The following MLIP variants were observed in gnomAD, a reference collection of about 807,000 sequenced individuals.
MLIP encodes the protein muscular LMNA interacting protein, also known as muscular LMNA-interacting protein.
In MLIP, 79 loss-of-function variants were observed where a neutral mutation model predicts 84.8. That is an observed-to-expected ratio of 0.93 (90% CI 0.78 to 1.12). The LOEUF (loss-of-function observed/expected upper bound fraction) is 1.12. Among genes scored for constraint, MLIP ranks in the 50% most tolerant of loss-of-function variants. The probability of loss-of-function intolerance (pLI) is 0.00; values close to 1 mark genes in which losing one functional copy is unlikely to be tolerated. For missense variants in MLIP, 1,257 were observed against 1,160.6 expected, an observed-to-expected ratio of 1.08 and a Z score of -1.21; for synonymous variants, 504 against 463.0, an observed-to-expected ratio of 1.09 and a Z score of -1.14.
intron 1 of MLIP, among the ~76,000 whole-genome samples, chr6:54,101,384 G>A (rs952851525): frequency 6.7e-6 from 1 of 150,162 alleles, no homozygotes; most frequent in Admixed American, 6.7e-5. Context: ...CCTACTATGT[G>A]CCAGGCCATA....
rs1242453688 is a variant in MLIP, at chr6:54,111,518, C to A, written c.39C>A (p.Asn13Lys). ...SEQGLLSDCG[N>K]NYFQMTSCIL... ...AGGGGCTTCTGAGTGACTGCGGGAA[C>A]AATTACTTCCAAATGACCTCGTGCA... is the stretch of plus-strand genomic sequence containing the variant. Residue 13 changes from asparagine (N) to lysine (K), a missense_variant, in exon 1 of 14, where the codon AAC (asparagine) becomes AAA (lysine). By Grantham distance (94) the Asn-to-Lys change is moderately conservative. Transcript: ENST00000502396. 3 of 1,535,900 alleles carry A rather than the reference C, an allele frequency of 2.0e-6. No homozygotes were observed. The highest frequency in any genetic ancestry group is 2.6e-6 in the Non-Finnish European group (3 of 1,146,870).
intron 1 of MLIP, among the ~76,000 whole-genome samples, chr6:54,096,446 G>A (rs1768217981): frequency 1.3e-5 from 2 of 152,022 alleles, no homozygotes; most frequent in African/African-American, 4.8e-5. Flanking sequence ...TGGTTGGCAG[G>A]TAGCATCCAA....
intron 2 of MLIP, among the ~76,000 whole-genome samples, chr6:54,121,945 A>C (rs1453502327): frequency 6.6e-6 from 1 of 152,220 alleles, no homozygotes; most frequent in Non-Finnish European, 1.5e-5. Flanking sequence ...CAAAACAGTG[A>C]GATATTATTA....
upstream of MLIP, among the ~76,000 whole-genome samples, chr6:54,108,369 G>C (rs151078079): frequency 6.6e-6 from 1 of 152,254 alleles, no homozygotes; most frequent in African/African-American, 2.4e-5. Flanking sequence ...TCTCCACTCA[G>C]GTAATTTATA....
At chr6:54,195,746 C>G (rs1288536589) in intron 10 of MLIP, among the ~76,000 whole-genome samples, 1 of 152,014 alleles carries the variant, frequency 6.6e-6, no homozygotes, top group African/African-American at 2.4e-5. Flanking sequence ...TATTCACTCC[C>G]TTGGATTTTT....
intron 1 of MLIP, among the ~76,000 whole-genome samples, chr6:54,091,153 G>GA (rs541206798): frequency 1.6e-4 from 24 of 152,114 alleles, no homozygotes; most frequent in African/African-American, 3.1e-4. Context: ...ACCCTGGGGG[G>GA]AAAAAATCAC....
chr6:54,209,896 T>C (rs1473015388), intron 11 of MLIP, among the ~76,000 whole-genome samples: 1 of 150,114 alleles, frequency 6.7e-6, no homozygotes, highest in Non-Finnish European at 1.5e-5. Context: ...TGTCCTTTTT[T>C]CTTTCTTTTT....
At chr6:54,235,541 G>T (rs1781305985) in intron 12 of MLIP, among the ~76,000 whole-genome samples, 1 of 152,070 alleles carries the variant, frequency 6.6e-6, no homozygotes, top group Non-Finnish European at 1.5e-5. Flanking sequence ...TTTATCTAGG[G>T]TGTGACATAA....
intron 5 of MLIP, among the ~76,000 whole-genome samples, chr6:54,150,012 T>C (rs1033955952): frequency 1.2e-4 from 19 of 152,178 alleles, no homozygotes; most frequent in Non-Finnish European, 1.3e-4. Flanking sequence ...TGTGTAATTA[T>C]GGTGTTTCAA....
At chr6:54,090,324 G>T (rs910738795) in intron 1 of MLIP, among the ~76,000 whole-genome samples, 2 of 152,060 alleles carry the variant, frequency 1.3e-5, no homozygotes, top group East Asian at 1.9e-4. Flanking sequence ...AGATATAAAA[G>T]TTATGCACAA....
chr6:54,216,257 C>T lies in MLIP; in HGVS notation c.2718+14024C>T, dbSNP rs893020490. On this transcript the variant is annotated intron_variant, in intron 11 of 13. Transcript: ENST00000502396. ...AAGGGTCAACTGAATATATTGTCTTCTTTCTCTCTTCCATTATGAGCAATT... is the reference window on the plus strand; with the variant it reads ...AAGGGTCAACTGAATATATTGTCTTTTTTCTCTCTTCCATTATGAGCAATT... 3 of 985,354 alleles carry T rather than the reference C, an allele frequency of 3.0e-6. No homozygotes were observed. In the African/African-American group the frequency reaches 5.2e-5, roughly 17 times the overall value. 61.0% of individuals were successfully genotyped at this position (985,354 alleles called of 1,614,324 possible).
At chr6:54,248,069 C>T (rs1465837790) in intron 12 of MLIP, among the ~76,000 whole-genome samples, 1 of 152,046 alleles carries the variant, frequency 6.6e-6, no homozygotes, top group Admixed American at 6.6e-5. Flanking sequence ...ATTCCAAAAA[C>T]ATTTATGGAA....
At chr6:54,169,971 C>A (rs1775608162) in intron 9 of MLIP, among the ~76,000 whole-genome samples, 1 of 151,732 alleles carries the variant, frequency 6.6e-6, no homozygotes, top group East Asian at 1.9e-4. Context: ...AACTTTGACT[C>A]TTTTGTTGCT....
intron 12 of MLIP, among the ~76,000 whole-genome samples, chr6:54,251,085 A>T (rs1283679272): frequency 1.3e-5 from 2 of 152,012 alleles, no homozygotes; most frequent in Non-Finnish European, 2.9e-5. Context: ...TTAATAATCA[A>T]ATATGTGGTA....
chr6:54,217,892 A>G (rs1779958769), intron 11 of MLIP: 1 of 985,130 alleles, frequency 1.0e-6, no homozygotes, highest in African/African-American at 1.7e-5. Flanking sequence ...AGAATCATTT[A>G]GAATAGTGAT....
intron 1 of MLIP, among the ~76,000 whole-genome samples, chr6:54,087,265 C>A (rs904994305): frequency 6.6e-6 from 1 of 152,068 alleles, no homozygotes; most frequent in African/African-American, 2.4e-5. Context: ...GCGTAGAGGG[C>A]AAGGAGGTGT....
At position 54,207,715 on chromosome 6, in the gene MLIP, A is replaced by C. The variant is rs1456903078; in HGVS notation, c.2718+5482A>C. Among the ~76,000 whole-genome samples, 4 of 152,238 alleles carry C rather than the reference A, an allele frequency of 2.6e-5. No individual in the cohort carries two copies. In the South Asian group the frequency reaches 8.3e-4, roughly 32 times the overall value. Reference sequence around the variant, plus strand: ...GTGTCTGTTAATATCCCAATTTACTAGGAAACAATGACCTTTTGAAAGTTT... The same window carrying C: ...GTGTCTGTTAATATCCCAATTTACTCGGAAACAATGACCTTTTGAAAGTTT... On this transcript the variant is annotated intron_variant, in intron 11 of 13. Coordinates refer to ENST00000502396, the MANE Select transcript of MLIP (RefSeq NM_001281747.2).
Position 54,169,438 on chromosome 6 carries a change from T to A in MLIP, c.2500-90T>A, listed in dbSNP as rs143699577. Reference sequence around the variant, plus strand: ...GAGAGCAATGTTTAGAAAGTCTCAATTGAGAAGAAGGTGAACACATTCCAG... The same window carrying A: ...GAGAGCAATGTTTAGAAAGTCTCAAATGAGAAGAAGGTGAACACATTCCAG... On this transcript the variant is annotated intron_variant, in intron 8 of 13. Coordinates refer to ENST00000502396, the MANE Select transcript of MLIP (RefSeq NM_001281747.2). 6.0e-5 allele frequency: 45 copies of A among 755,028 alleles called. 1 individual carries two copies. In the South Asian group the frequency reaches 6.9e-4, roughly 12 times the overall value. The allele number at this position is 755,028 out of a possible 1,614,324, so 46.8% of individuals were successfully genotyped here.
At chr6:54,215,016 T>G (rs1487493173) in intron 11 of MLIP, 1 of 636,312 alleles carries the variant, frequency 1.6e-6, no homozygotes, top group East Asian at 3.0e-5. Context: ...CCCTCCCTCA[T>G]GTAGCTTAGA....
Sources: allele counts gnomAD v4.1 joint callset (sites outside exome capture counted in the v4.1 genomes callset), GRCh38; gene constraint gnomAD v4.1.1; transcripts MANE v1.5; gene names NCBI Gene and HGNC (gene_info 2026-07-23, HGNC 2026-07-21).